The following RAP1A variants were observed in gnomAD, a reference collection of about 807,000 sequenced individuals.
RAP1A encodes the protein ras-related protein Rap-1A.
A neutral mutation model predicts 26.4 loss-of-function variants in RAP1A; 6 were observed. That is an observed-to-expected ratio of 0.23 (90% CI 0.12 to 0.45). RAP1A has a LOEUF of 0.45. RAP1A is among the 20% of genes least tolerant of loss of function. The pLI is 0.99. For synonymous variants in RAP1A, 73 were observed against 79.4 expected (o/e 0.92, Z 0.43); for missense variants, 121 against 217.2 (o/e 0.56, Z 2.78).
chr1:111,710,294 G>GT (rs1414919396), intron 7 of RAP1A, among the ~76,000 whole-genome samples: 4 of 152,116 alleles, frequency 2.6e-5, no homozygotes, highest in Non-Finnish European at 2.9e-5. Flanking sequence ...TACCATTTTA[G>GT]TTTCCACTAA....
chr1:111,608,975 T>C (rs1658870514), intron 1 of RAP1A, among the ~76,000 whole-genome samples: 1 of 152,258 alleles, frequency 6.6e-6, no homozygotes. Flanking sequence ...TACAGTGCTT[T>C]CTTTTGGTGA....
chr1:111,644,781 T>G (rs564324167), intron 1 of RAP1A, among the ~76,000 whole-genome samples: 13 of 152,290 alleles, frequency 8.5e-5, no homozygotes, highest in East Asian at 1.9e-4. Flanking sequence ...AAACTTTTTT[T>G]GGGGAAGGGG....
upstream of RAP1A, among the ~76,000 whole-genome samples, chr1:111,615,373 C>T (rs1658994726): frequency 6.6e-6 from 1 of 151,752 alleles, no homozygotes; most frequent in East Asian, 1.9e-4. Context: ...AAGTCTCGAC[C>T]TAGGTTAACC....
At position 111,709,277 on chromosome 1, in the gene RAP1A, A is replaced by G. The variant is rs760803013; in HGVS notation, c.*29+13A>G. 10 of 1,571,976 alleles carry G rather than the reference A, an allele frequency of 6.4e-6. No homozygotes were observed. In the South Asian group the frequency reaches 1.1e-4, roughly 17 times the overall value. On this transcript the variant is annotated intron_variant, in intron 7 of 7. Coordinates refer to ENST00000369709, the MANE Select transcript of RAP1A (RefSeq NM_002884.4). ...AGCTCTGAGCCAGGTAAGATGCTAAAAGCAGAACAAGTGCCTTTCTCATGC... is the reference window on the plus strand; with the variant it reads ...AGCTCTGAGCCAGGTAAGATGCTAAGAGCAGAACAAGTGCCTTTCTCATGC...
chr1:111,681,393 C>T (rs542719988), intron 1 of RAP1A, among the ~76,000 whole-genome samples: 68 of 152,306 alleles, frequency 4.5e-4, no homozygotes, highest in African/African-American at 1.5e-3. Flanking sequence ...TGGATAATAA[C>T]AAACTCTTCC....
intron 1 of RAP1A, among the ~76,000 whole-genome samples, chr1:111,575,161 T>C (rs1193255364): frequency 6.6e-6 from 1 of 152,134 alleles, no homozygotes; most frequent in Non-Finnish European, 1.5e-5. Flanking sequence ...CTTTCTTTTT[T>C]TTTTTGAGAT....
intron 1 of RAP1A, among the ~76,000 whole-genome samples, chr1:111,652,909 A>G (rs1660319819): frequency 6.6e-6 from 1 of 152,214 alleles, no homozygotes; most frequent in Admixed American, 6.5e-5. Flanking sequence ...ACGACCCAGC[A>G]GTTTTGCTGC....
At chr1:111,642,078 C>G (rs1410237023) in intron 1 of RAP1A, among the ~76,000 whole-genome samples, 1 of 152,128 alleles carries the variant, frequency 6.6e-6, no homozygotes, top group African/African-American at 2.4e-5. Flanking sequence ...AACCCTGTCT[C>G]TACTAAAAAT....
rs202011580 is a variant in RAP1A, at chr1:111,691,311, T to C, written c.-27-23T>C. ...GACTGTTAGCATGTTTCTTAATCTTTGATTTTTTTGTTTGTTTTTCAGATC... is the reference window on the plus strand; with the variant it reads ...GACTGTTAGCATGTTTCTTAATCTTCGATTTTTTTGTTTGTTTTTCAGATC... On this transcript the variant is annotated intron_variant, in intron 1 of 7. Coordinates refer to ENST00000369709, the MANE Select transcript of RAP1A (RefSeq NM_002884.4). 5.3e-6 allele frequency: 8 copies of C among 1,522,976 alleles called. No homozygotes were observed. The East Asian group carries it at 1.8e-4, about 34-fold the overall frequency. 94.3% of individuals were successfully genotyped at this position (1,522,976 alleles called of 1,614,324 possible).
chr1:111,628,360 TAGAA>T (rs1425469321), intron 1 of RAP1A, among the ~76,000 whole-genome samples: 2 of 152,156 alleles, frequency 1.3e-5, no homozygotes, highest in Non-Finnish European at 2.9e-5. Flanking sequence ...TGTGCCAAGA[TAGAA>T]AGAAAGTTCA....
chr1:111,616,465 G>A (rs370084125), upstream of RAP1A, among the ~76,000 whole-genome samples: 3 of 152,100 alleles, frequency 2.0e-5, no homozygotes, highest in African/African-American at 7.2e-5. Context: ...TGTGCTTCCT[G>A]TCCCCTAACC....
intron 1 of RAP1A, among the ~76,000 whole-genome samples, chr1:111,576,825 C>G (rs537857673): frequency 6.6e-6 from 1 of 152,202 alleles, no homozygotes; most frequent in Non-Finnish European, 1.5e-5. Context: ...TGGCCTGCAG[C>G]CAGAGCTTTA....
At chr1:111,659,288 C>T (rs1660558327) in intron 1 of RAP1A, among the ~76,000 whole-genome samples, 1 of 152,024 alleles carries the variant, frequency 6.6e-6, no homozygotes, top group African/African-American at 2.4e-5. Flanking sequence ...ACAGCAATAC[C>T]TAATAATAGA....
intron 1 of RAP1A, among the ~76,000 whole-genome samples, chr1:111,601,847 A>G (rs1473527829): frequency 6.6e-6 from 1 of 152,202 alleles, no homozygotes; most frequent in Non-Finnish European, 1.5e-5. Flanking sequence ...AGCTCCTGGC[A>G]TGTGATAAGC....
intron 1 of RAP1A, among the ~76,000 whole-genome samples, chr1:111,565,959 A>T (rs1657908750): frequency 6.6e-6 from 1 of 152,112 alleles, no homozygotes; most frequent in Non-Finnish European, 1.5e-5. Flanking sequence ...ACATGTGCCA[A>T]CGTCCAGATC....
intron 1 of RAP1A, among the ~76,000 whole-genome samples, chr1:111,584,299 T>G (rs1658320208): frequency 6.6e-6 from 1 of 152,162 alleles, no homozygotes; most frequent in Non-Finnish European, 1.5e-5. Context: ...GTCTGTTTGC[T>G]TGGGCTGCTA....
chr1:111,697,129 C>T (rs1661857541), intron 3 of RAP1A, among the ~76,000 whole-genome samples: 1 of 152,070 alleles, frequency 6.6e-6, no homozygotes, highest in Non-Finnish European at 1.5e-5. Flanking sequence ...TAGAACTATA[C>T]TTGTTCGTTG....
chr1:111,626,238 T>A (rs115595973), intron 1 of RAP1A, among the ~76,000 whole-genome samples: 445 of 152,338 alleles, frequency 2.9e-3, no homozygotes, highest in African/African-American at 0.01. Context: ...TTCTAACAGC[T>A]TATGAGTATT....
intron 1 of RAP1A, among the ~76,000 whole-genome samples, chr1:111,585,166 A>T (rs190040920): frequency 6.6e-6 from 1 of 152,326 alleles, no homozygotes; most frequent in Admixed American, 6.5e-5. Flanking sequence ...TCAAGTCTGG[A>T]CACCTGCATT....
Sources: allele counts gnomAD v4.1 joint callset (sites outside exome capture counted in the v4.1 genomes callset), GRCh38; gene constraint gnomAD v4.1.1; transcripts MANE v1.5; gene names NCBI Gene and HGNC (gene_info 2026-07-23, HGNC 2026-07-21).